CD84: variants seen among roughly 807,000 people sequenced by gnomAD.
The protein encoded by CD84 is SLAM family member 5.
Under a neutral mutation model 33.8 loss-of-function variants are expected in CD84, and 22 were observed. That is an observed-to-expected ratio of 0.65 (90% confidence interval 0.46 to 0.93). CD84 has a LOEUF of 0.93. Ranked by LOEUF, CD84 falls within the 40% of genes least tolerant of loss-of-function variation. The pLI is 0.00. For missense variants in CD84, 400 were observed against 397.6 expected, an observed-to-expected ratio of 1.01 and a Z score of -0.05; for synonymous variants, 154 against 145.2, an observed-to-expected ratio of 1.06 and a Z score of -0.44.
rs1046025912 is a variant in CD84 at position 160,541,180 on chromosome 1, A to G, written c.*7076T>C. 2 of 152,232 alleles carry G rather than the reference A, an allele frequency of 1.3e-5. No homozygotes were observed. Among genetic ancestry groups the G allele is most frequent in the African/African-American group, 2.4e-5 (1 of 41,460 alleles). 9.4% of individuals were successfully genotyped at this position (152,232 alleles called of 1,614,324 possible). A position where few individuals can be genotyped will look rare whatever the true frequency, so the allele number is the denominator to read the frequency against. On this transcript the variant is annotated 3_prime_UTR_variant, in exon 7 of 7. Coordinates refer to ENST00000368054, the MANE Select transcript of CD84 (RefSeq NM_003874.4). The stretch of plus-strand genomic sequence containing the variant: ...CTTAGGCACTTACAAGGTAAAATTT[A>G]TGAACCATACTTTATTAATGGGCAT...
At chr1:160,568,344 G>A (rs975438951) in intron 1 of CD84, among the ~76,000 whole-genome samples, 2 of 152,062 alleles carry the variant, frequency 1.3e-5, no homozygotes, top group African/African-American at 4.8e-5. Context: ...GAGCAATCAG[G>A]CAGTGGGGGT....
In CD84 at chr1:160,556,015, T is replaced by A. The variant is rs112872313; in HGVS notation, c.389-1869A>T. Among the ~76,000 whole-genome samples, 126 of 152,294 alleles carry A rather than the reference T, an allele frequency of 8.3e-4. 1 individual carries two copies. The highest frequency in any genetic ancestry group is 2.9e-3 in the African/African-American group (121 of 41,568). On this transcript the variant is annotated intron_variant, in intron 2 of 6. Coordinates refer to ENST00000368054, the MANE Select transcript of CD84 (RefSeq NM_003874.4). ...TTAACTATAATAGTGACTGATACGATATCAATTAGTAGAAAGTGAACAAAA... is the reference window on the plus strand; with the variant it reads ...TTAACTATAATAGTGACTGATACGAAATCAATTAGTAGAAAGTGAACAAAA...
intron 2 of CD84, 150 bp from the exon 3 acceptor site, chr1:160,554,296 G>C: frequency 1.1e-6 from 1 of 917,632 alleles, no homozygotes; most frequent in Non-Finnish European, 1.5e-6. Flanking sequence ...TAAAAATAAA[G>C]ATAATAAATC....
intron 4 of CD84, chr1:160,551,362 G>C (rs751129251): frequency 1.8e-5 from 5 of 285,290 alleles, no homozygotes; most frequent in African/African-American, 2.3e-5. Flanking sequence ...ACCACTGACT[G>C]TCTTGCATGG....
chr1:160,549,857 G>A, intron 6 of CD84, 60 bp downstream of exon 6: 1 of 1,253,880 alleles, frequency 8.0e-7, no homozygotes, highest in Non-Finnish European at 1.2e-6. Flanking sequence ...GATGGACCGG[G>A]TGCACCAGAA....
In CD84 at chr1:160,546,837, T is replaced by C. The variant is rs905957641; in HGVS notation, c.*1419A>G. On this transcript the variant is annotated 3_prime_UTR_variant, in exon 7 of 7. Transcript: ENST00000368054. ...CTGAGCTACACAAGAGCAGACATTA[T>C]GCACATCTTCTACTTTGGGGCCTTG... is the stretch of plus-strand genomic sequence containing the variant. The C allele has an allele frequency of 4.8e-5, 15 of 312,322 alleles. No individual in the cohort carries two copies. The highest frequency in any genetic ancestry group is 3.0e-4 in the African/African-American group (14 of 46,794). 19.3% of individuals were successfully genotyped at this position (312,322 alleles called of 1,614,324 possible). A position where few individuals can be genotyped will look rare whatever the true frequency, so the allele number is the denominator to read the frequency against.
At chr1:160,554,804 G>A (rs1656494853) in intron 2 of CD84, among the ~76,000 whole-genome samples, 1 of 151,500 alleles carries the variant, frequency 6.6e-6, no homozygotes, top group South Asian at 2.1e-4. Flanking sequence ...ACAACTATAA[G>A]CTGATTAGGG....
Position 160,549,897 on chromosome 1 carries a change from A to G in CD84, c.921+20T>C. 1.9e-6 allele frequency: 3 copies of G among 1,591,660 alleles called. No homozygotes were observed. The highest frequency in any genetic ancestry group is 2.6e-6 in the Non-Finnish European group (3 of 1,159,592). ...TGGAAGAGTTAGGAAAGCAAGGATA[A>G]AAAGCCAGAAAGGGGTTACCTTATC... On this transcript the variant is annotated intron_variant, in intron 6 of 6. Coordinates refer to ENST00000368054, the MANE Select transcript of CD84 (RefSeq NM_003874.4).
chr1:160,575,110 T>A (rs555837148), intron 1 of CD84, among the ~76,000 whole-genome samples: 2 of 152,130 alleles, frequency 1.3e-5, no homozygotes, highest in African/African-American at 4.8e-5. Flanking sequence ...CAAACATTTC[T>A]TGTTCTTTTT....
intron 1 of CD84, among the ~76,000 whole-genome samples, chr1:160,569,671 G>C (rs965265422): frequency 6.6e-6 from 1 of 152,164 alleles, no homozygotes; most frequent in Non-Finnish European, 1.5e-5. Flanking sequence ...CTGAGCTGTA[G>C]TGGTTAGAAA....
At chr1:160,577,854 G>A (rs187255581) in intron 1 of CD84, among the ~76,000 whole-genome samples, 12 of 152,118 alleles carry the variant, frequency 7.9e-5, no homozygotes, top group African/African-American at 2.9e-4. Flanking sequence ...ATGTAACTTC[G>A]TCTAGGTCAC....
chr1:160,553,309 G>A (rs758110899), intron 4 of CD84, 69 bp downstream of exon 4: 3 of 1,613,152 alleles, frequency 1.9e-6, no homozygotes, highest in African/African-American at 2.7e-5. Context: ...CTAAACCTTG[G>A]ATAAATGGCT....
At chr1:160,549,538 C>G (rs3766386) in intron 6 of CD84, among the ~76,000 whole-genome samples, 5,741 of 152,248 alleles carry the variant, frequency 0.038, 181 homozygotes, top group African/African-American at 0.076. Flanking sequence ...TCCATTGCAC[C>G]CATCTGGGCA....
intron 1 of CD84, among the ~76,000 whole-genome samples, chr1:160,569,908 A>G (rs1466783236): frequency 6.6e-6 from 1 of 152,162 alleles, no homozygotes; most frequent in East Asian, 1.9e-4. Flanking sequence ...CTTGAGTTTG[A>G]GGTCTCCATC....
chr1:160,545,469 C>G lies in CD84; in HGVS notation c.*2787G>C, dbSNP rs1434357760. On this transcript the variant is annotated 3_prime_UTR_variant, in exon 7 of 7. Transcript: ENST00000368054. ...TTATGACCAAGCCTCTTTCCTCCTTCCTGCACGTCTCTTCTTGGGGTGCTG... is the reference window on the plus strand; with the variant it reads ...TTATGACCAAGCCTCTTTCCTCCTTGCTGCACGTCTCTTCTTGGGGTGCTG... 6.6e-6 allele frequency: 1 copy of G among 152,146 alleles called. No individual in the cohort carries two copies. Among genetic ancestry groups the G allele is most frequent in the Non-Finnish European group, 1.5e-5 (1 of 68,072 alleles). 9.4% of individuals were successfully genotyped at this position (152,146 alleles called of 1,614,324 possible).
At chr1:160,562,157 G>A (rs1003029734) in intron 2 of CD84, among the ~76,000 whole-genome samples, 3 of 152,142 alleles carry the variant, frequency 2.0e-5, no homozygotes, top group Non-Finnish European at 4.4e-5. Flanking sequence ...ACTGCCCAAA[G>A]TAATTTATAG....
At position 160,547,298 on chromosome 1, in the gene CD84, T is replaced by C. The variant is rs1655885652; in HGVS notation, c.*958A>G. The stretch of plus-strand genomic sequence containing the variant: ...GTCTTCTATTTTGATGGTTGGATTA[T>C]ACCCAGTTCCCCAGAAGTGTGAGAA... On this transcript the variant is annotated 3_prime_UTR_variant, in exon 7 of 7. Coordinates refer to ENST00000368054, the MANE Select transcript of CD84 (RefSeq NM_003874.4). 2 of 397,474 alleles carry C rather than the reference T, an allele frequency of 5.0e-6. No individual in the cohort carries two copies. The highest frequency in any genetic ancestry group is 8.9e-6 in the Non-Finnish European group (2 of 225,768). 24.6% of individuals were successfully genotyped at this position (397,474 alleles called of 1,614,324 possible).
chr1:160,565,862 T>C (rs919362528), intron 1 of CD84, 117 bp from the exon 2 acceptor site: 3 of 814,398 alleles, frequency 3.7e-6, no homozygotes, highest in African/African-American at 3.5e-5. Context: ...ACCCAGTTTC[T>C]TGAGGATGCC....
intron 6 of CD84, among the ~76,000 whole-genome samples, chr1:160,548,683 A>G (rs1195736069): frequency 2.0e-5 from 3 of 152,116 alleles, no homozygotes; most frequent in Non-Finnish European, 4.4e-5. Flanking sequence ...TTGTATCCCA[A>G]TAACTCCACT....
Sources: gnomAD v4.1 joint callset for allele counts (sites outside exome capture counted in the v4.1 genomes callset) on GRCh38, gnomAD v4.1.1 for gene constraint, MANE v1.5 for transcripts, NCBI Gene and HGNC (gene_info 2026-07-23, HGNC 2026-07-21) for gene names.